Variants in FLNB observed in about 807,000 individuals in gnomAD.
FLNB encodes filamin-B.
A neutral mutation model predicts 250.6 loss-of-function variants in FLNB; 111 were observed. That is an observed-to-expected ratio of 0.44 (90% CI 0.38 to 0.52). The LOEUF is 0.52. Ranked by LOEUF, FLNB falls within the 20% of genes least tolerant of loss-of-function variation. The pLI is 0.00. For missense variants in FLNB, 2,869 were observed against 3,447.8 expected (o/e 0.83, Z 4.20); for synonymous variants, 1,302 against 1,372.1 (o/e 0.95, Z 1.13).
At chr3:58,102,108 A>C in intron 8 of FLNB, 95 bp from the exon 9 acceptor site, 1 of 1,460,036 alleles carries the variant, frequency 6.8e-7, no homozygotes, top group Non-Finnish European at 9.6e-7. Flanking sequence ...GTGCAAAGCA[A>C]ATATTTTCTT....
intron 1 of FLNB, among the ~76,000 whole-genome samples, chr3:58,057,371 A>G (rs769548268): frequency 2.0e-5 from 3 of 152,050 alleles, no homozygotes; most frequent in Non-Finnish European, 2.9e-5. Flanking sequence ...TTTCCTTTCA[A>G]TTTTCTAATG....
At chr3:58,132,493 G>A (rs2097309102) in intron 25 of FLNB, 1 of 465,738 alleles carries the variant, frequency 2.1e-6, no homozygotes, top group East Asian at 4.7e-5. Context: ...GTTATATTGT[G>A]TCTTCAACAC....
intron 26 of FLNB, 57 bp downstream of exon 26, chr3:58,132,988 C>T (rs2097310003): frequency 6.4e-7 from 1 of 1,559,782 alleles, no homozygotes; most frequent in African/African-American, 1.4e-5. Flanking sequence ...TCCACCCATC[C>T]ATTCCTCCAT....
chr3:58,104,530 G>C (rs2097256357), intron 10 of FLNB, among the ~76,000 whole-genome samples: 1 of 152,224 alleles, frequency 6.6e-6, no homozygotes, highest in South Asian at 2.1e-4. Flanking sequence ...CATTGCACTT[G>C]CCCCTCTGCG....
Position 58,124,465 on chromosome 3 carries a change from G to A in FLNB, c.3858G>A (p.Ala1286=), listed in dbSNP as rs775184160. 37 of 1,614,074 alleles carry A rather than the reference G, an allele frequency of 2.3e-5. No homozygotes were observed. The highest frequency in any genetic ancestry group is 6.7e-5 in the African/African-American group (5 of 74,930). The change falls in exon 22 of 46, where the codon GCG becomes GCA. Residue 1286 remains alanine (A), a synonymous_variant. Transcript: ENST00000295956. ...ASTECFVTDN[A]DGTYQVEYTP... is the part of the protein sequence containing the mutation. ...CCGAGTGCTTTGTCACAGACAATGC[G>A]GATGGGACCTACCAGGTGGAATACA...
At chr3:58,086,770 C>A (rs1050629212) in intron 4 of FLNB, among the ~76,000 whole-genome samples, 2 of 152,108 alleles carry the variant, frequency 1.3e-5, no homozygotes, top group African/African-American at 4.8e-5. Flanking sequence ...GACTTAGCAA[C>A]CATTTGTAAT....
intron 1 of FLNB, among the ~76,000 whole-genome samples, chr3:58,015,582 A>C (rs935696536): frequency 1.3e-5 from 2 of 152,202 alleles, no homozygotes; most frequent in Admixed American, 6.5e-5. Flanking sequence ...TACTGCTCAG[A>C]GGAGAAGAGA....
chr3:58,143,181 G>C (rs1414562825), intron 31 of FLNB, among the ~76,000 whole-genome samples: 2 of 151,924 alleles, frequency 1.3e-5, no homozygotes, highest in African/African-American at 4.8e-5. Flanking sequence ...GATGCTCTAT[G>C]TATCCAGCTG....
intron 18 of FLNB, among the ~76,000 whole-genome samples, chr3:58,117,948 A>T (rs190666282): frequency 6.6e-6 from 1 of 152,040 alleles, no homozygotes; most frequent in African/African-American, 2.4e-5. Flanking sequence ...CTTGGGGGGA[A>T]CTCGTCTCTC....
chr3:58,169,533 G>C lies in FLNB; in HGVS notation c.7418-57G>C. Reference sequence around the variant, plus strand: ...TAGGGTACTCGCCTGTCCTCTGGCTGAGAGACCCCTCTTGATCTGGCCATT... The same window carrying C: ...TAGGGTACTCGCCTGTCCTCTGGCTCAGAGACCCCTCTTGATCTGGCCATT... On this transcript the variant is annotated intron_variant, in intron 44 of 45. Coordinates refer to ENST00000295956, the MANE Select transcript of FLNB (RefSeq NM_001457.4). This position sits in a 1 kb window ranked among gnomAD's most constrained non-coding sequence, Gnocchi z 4.8. 1 of 1,430,114 alleles carries C rather than the reference G, an allele frequency of 7.0e-7. No homozygotes were observed. Among genetic ancestry groups the C allele is most frequent in the Non-Finnish European group, 9.9e-7 (1 of 1,012,348 alleles). 88.6% of individuals were successfully genotyped at this position (1,430,114 alleles called of 1,614,324 possible).
chr3:58,163,215 C>T lies in FLNB; in HGVS notation c.7083C>T (p.Phe2361=). ...GTGTCCACACCATCGATGTCAAGTT[C>T]AATGGGAGCCACGTGGTTGGAAGCC... ...ENGVHTIDVK[F]NGSHVVGSPF... The change falls in exon 43 of 46, where the codon TTC becomes TTT. Residue 2361 remains phenylalanine (F), a synonymous_variant. Transcript: ENST00000295956. 6.2e-7 allele frequency: 1 copy of T among 1,614,204 alleles called. No individual in the cohort carries two copies. The highest frequency in any genetic ancestry group is 8.5e-7 in the Non-Finnish European group (1 of 1,180,006).
intron 1 of FLNB, among the ~76,000 whole-genome samples, chr3:58,037,952 A>T (rs1320106634): frequency 6.6e-6 from 1 of 152,234 alleles, no homozygotes; most frequent in African/African-American, 2.4e-5. Context: ...AATCAATGAA[A>T]ACAACGTGTT....
rs62621997 is a variant in FLNB, at chr3:58,124,464, C to T, written c.3857C>T (p.Ala1286Val). 5.2e-3 allele frequency: 8,455 copies of T among 1,614,142 alleles called. 406 individuals are homozygous for T. The African/African-American group carries it at 0.099, about 19-fold the overall frequency. The part of the protein sequence containing the change: ...ASTECFVTDN[A>V]DGTYQVEYTP... ...ACCGAGTGCTTTGTCACAGACAATG[C>T]GGATGGGACCTACCAGGTGGAATAC... The change falls in exon 22 of 46, where the codon GCG becomes GTG. Residue 1286 changes from alanine to valine, a missense_variant. This residue lies in a region of FLNB where 1,348 missense variants were observed against 1,466.7 expected (regional missense o/e 0.92). Transcript: ENST00000295956.
chr3:58,008,947 G>A (rs1442526413), intron 1 of FLNB, 91 bp downstream of exon 1: 2 of 1,503,676 alleles, frequency 1.3e-6, no homozygotes, highest in Non-Finnish European at 1.8e-6. Context: ...TTCCCGCAGC[G>A]CGCCCCCACC....
intron 28 of FLNB, 46 bp from the exon 29 acceptor site, chr3:58,138,236 G>A: frequency 6.2e-7 from 1 of 1,612,064 alleles, no homozygotes; most frequent in Middle Eastern, 2.1e-4. Flanking sequence ...GGGCCTCCAG[G>A]ATGTGTGTCC....
chr3:58,034,626 G>A (rs1430593569), intron 1 of FLNB, among the ~76,000 whole-genome samples: 1 of 152,182 alleles, frequency 6.6e-6, no homozygotes, highest in Non-Finnish European at 1.5e-5. Context: ...GAATATAAAT[G>A]TATCCATTAG....
intron 4 of FLNB, among the ~76,000 whole-genome samples, chr3:58,083,206 T>A (rs1254335531): frequency 6.6e-6 from 1 of 151,888 alleles, no homozygotes; most frequent in Non-Finnish European, 1.5e-5. Flanking sequence ...TATTTCTCTT[T>A]AGACTCTTTT....
chr3:58,159,745 G>C, intron 42 of FLNB, 59 bp downstream of exon 42: 11 of 1,580,190 alleles, frequency 7.0e-6, no homozygotes, highest in Non-Finnish European at 9.5e-6. Flanking sequence ...GAATGTTCCT[G>C]TAAATGTGTG....
chr3:58,013,380 T>A (rs839246), intron 1 of FLNB, among the ~76,000 whole-genome samples: 1 of 152,220 alleles, frequency 6.6e-6, no homozygotes, highest in East Asian at 1.9e-4. Context: ...TCCAGGGTGG[T>A]GGGTCACTGG....
Sources: gnomAD v4.1 joint callset for allele counts (sites outside exome capture counted in the v4.1 genomes callset) on GRCh38, gnomAD v4.1.1 for gene constraint, gnomAD v4.1.1 regional missense constraint, Gnocchi (gnomAD v3.1) non-coding constraint, MANE v1.5 for transcripts, NCBI Gene and HGNC (gene_info 2026-07-23, HGNC 2026-07-21) for gene names.